SNTG1: variants seen among roughly 807,000 people sequenced by gnomAD.
The protein encoded by SNTG1 is gamma-1-syntrophin.
SNTG1 carries 39 observed loss-of-function variants against 74.7 expected under a neutral mutation model. The ratio of observed to expected loss-of-function variants is 0.52; its 90% CI spans 0.40 to 0.68. SNTG1 has a LOEUF of 0.68. Ranked by LOEUF, SNTG1 falls within the 30% of genes least tolerant of loss-of-function variation. SNTG1 has a pLI of 0.00. For synonymous variants in SNTG1, 254 were observed against 217.1 expected, an observed-to-expected ratio of 1.17 and a Z score of -1.49; for missense variants, 685 against 609.5, an observed-to-expected ratio of 1.12 and a Z score of -1.30.
intron 2 of SNTG1, among the ~76,000 whole-genome samples, chr8:50,324,721 T>G (rs2130836963): frequency 6.6e-6 from 1 of 152,022 alleles, no homozygotes; most frequent in African/African-American, 2.4e-5. Context: ...TCCTTGAGAG[T>G]GTCAATTGTA....
chr8:50,043,409 C>T (rs1412618744), intron 1 of SNTG1, among the ~76,000 whole-genome samples: 3 of 152,146 alleles, frequency 2.0e-5, no homozygotes, highest in African/African-American at 7.2e-5. Flanking sequence ...CCAGCAGGAA[C>T]AAGATGAAAA....
At chr8:50,145,768 A>G (rs917071256) in intron 1 of SNTG1, among the ~76,000 whole-genome samples, 62 of 152,254 alleles carry the variant, frequency 4.1e-4, no homozygotes, top group African/African-American at 1.4e-3. Flanking sequence ...TTTTATGTTC[A>G]TCTATTTTAG....
At chr8:50,275,968 C>T (rs2088076163) in intron 2 of SNTG1, among the ~76,000 whole-genome samples, 1 of 152,152 alleles carries the variant, frequency 6.6e-6, no homozygotes, top group Non-Finnish European at 1.5e-5. Flanking sequence ...ATCAGAAGTC[C>T]TCCAACTAAC....
At chr8:50,715,650 T>G (rs1298394196) in intron 17 of SNTG1, among the ~76,000 whole-genome samples, 2 of 152,176 alleles carry the variant, frequency 1.3e-5, no homozygotes, top group Non-Finnish European at 2.9e-5. Flanking sequence ...TTATTAGCCT[T>G]AATTGAATAT....
intron 2 of SNTG1, among the ~76,000 whole-genome samples, chr8:50,294,205 C>T (rs2089258857): frequency 6.6e-6 from 1 of 152,014 alleles, no homozygotes; most frequent in Non-Finnish European, 1.5e-5. Flanking sequence ...TAAGTAATTC[C>T]TAAAACTGCG....
At chr8:49,918,094 T>C (rs1300778565) in intron 1 of SNTG1, among the ~76,000 whole-genome samples, 45 of 152,190 alleles carry the variant, frequency 3.0e-4, no homozygotes, top group Admixed American at 2.9e-3. Flanking sequence ...GTCAGATTTT[T>C]TCCAGACCTT....
At chr8:49,932,409 A>G (rs936713664) in intron 1 of SNTG1, among the ~76,000 whole-genome samples, 3 of 152,084 alleles carry the variant, frequency 2.0e-5, no homozygotes, top group African/African-American at 7.2e-5. Flanking sequence ...AACACATATA[A>G]TATCTTCACT....
At chr8:50,193,940 T>C (rs1168663908) in intron 2 of SNTG1, among the ~76,000 whole-genome samples, 3 of 152,198 alleles carry the variant, frequency 2.0e-5, no homozygotes, top group Non-Finnish European at 4.4e-5. Flanking sequence ...ATGTGATTTT[T>C]GTTTTTAATT....
intron 1 of SNTG1, among the ~76,000 whole-genome samples, chr8:50,120,215 A>G (rs929786105): frequency 2.1e-5 from 3 of 141,342 alleles, no homozygotes; most frequent in African/African-American, 7.7e-5. Flanking sequence ...CACTCTGAAT[A>G]ATGCCTGACC....
chr8:50,263,133 G>T (rs10109835), intron 2 of SNTG1, among the ~76,000 whole-genome samples: 49,655 of 152,044 alleles, frequency 0.33, 8,613 homozygotes, highest in African/African-American at 0.45. Flanking sequence ...GTCAGTGTGG[G>T]TTATCAATTT....
At chr8:50,298,238 A>G (rs1025661478) in intron 2 of SNTG1, among the ~76,000 whole-genome samples, 1 of 152,124 alleles carries the variant, frequency 6.6e-6, no homozygotes, top group African/African-American at 2.4e-5. Flanking sequence ...TATCTGCCTA[A>G]GTATTTATAT....
chr8:50,754,784 A>G (rs1024305293), intron 18 of SNTG1, among the ~76,000 whole-genome samples: 1 of 151,858 alleles, frequency 6.6e-6, no homozygotes, highest in Non-Finnish European at 1.5e-5. Flanking sequence ...CCTTTCTAAT[A>G]TAGGATTTAG....
At chr8:50,756,767 C>G (rs57329728) in intron 18 of SNTG1, among the ~76,000 whole-genome samples, 1 of 151,604 alleles carries the variant, frequency 6.6e-6, no homozygotes, top group Non-Finnish European at 1.5e-5. Context: ...TTGCCTCTCT[C>G]TATATATTTT....
chr8:49,941,885 G>T (rs573557557), intron 1 of SNTG1, among the ~76,000 whole-genome samples: 1 of 152,258 alleles, frequency 6.6e-6, no homozygotes, highest in South Asian at 2.1e-4. Context: ...TAGATTAATA[G>T]ATTTTATTAG....
chr8:50,103,103 A>C (rs928149932), intron 1 of SNTG1, among the ~76,000 whole-genome samples: 1 of 152,066 alleles, frequency 6.6e-6, no homozygotes, highest in African/African-American at 2.4e-5. Flanking sequence ...GAAGAAAGTC[A>C]TTGGTAGCTT....
intron 12 of SNTG1, among the ~76,000 whole-genome samples, chr8:50,576,789 T>G (rs2094579181): frequency 6.6e-6 from 1 of 152,128 alleles, no homozygotes; most frequent in African/African-American, 2.4e-5. Context: ...AAATGCAATT[T>G]ATTTTGCATG....
intron 2 of SNTG1, among the ~76,000 whole-genome samples, chr8:50,246,880 T>C (rs766236587): frequency 6.6e-6 from 1 of 152,194 alleles, no homozygotes; most frequent in Non-Finnish European, 1.5e-5. Context: ...GCTTCAATTG[T>C]GCTTTGTCTT....
chr8:50,474,428 A>G (rs2093679098), intron 8 of SNTG1, among the ~76,000 whole-genome samples: 2 of 152,186 alleles, frequency 1.3e-5, no homozygotes, highest in Middle Eastern at 3.4e-3. Flanking sequence ...ATATGAATAG[A>G]CACTTCTAAA....
rs1258846995 is a variant in SNTG1, at chr8:50,668,069, A to G, written c.1038+9406A>G. Among the ~76,000 whole-genome samples the G allele has an allele frequency of 9.2e-5, 14 of 152,078 alleles. No individual in the cohort carries two copies. In the East Asian group the frequency reaches 2.7e-3, roughly 29 times the overall value. On this transcript the variant is annotated intron_variant, in intron 15 of 18. Coordinates refer to ENST00000642720, the MANE Select transcript of SNTG1 (RefSeq NM_018967.5). ...AACATGCCAGAGAGAACACATCAGA[A>G]GGAAGTCACTGCCATCCACAAAGCT... is the stretch of plus-strand genomic sequence containing the variant.
Sources: allele counts gnomAD v4.1 joint callset (sites outside exome capture counted in the v4.1 genomes callset), GRCh38; gene constraint gnomAD v4.1.1; transcripts MANE v1.5; gene names NCBI Gene and HGNC (gene_info 2026-07-23, HGNC 2026-07-21).